Variants in TENM3 observed in about 807,000 individuals in gnomAD.
TENM3 encodes the protein teneurin transmembrane protein 3, also known as teneurin-3.
A neutral mutation model predicts 255.1 loss-of-function variants in TENM3; 63 were observed. The ratio of observed to expected loss-of-function variants is 0.25; its 90% CI spans 0.20 to 0.30. The LOEUF (loss-of-function observed/expected upper bound fraction) is 0.30. Among genes scored for constraint, TENM3 ranks in the 10% least tolerant of loss-of-function variants. TENM3 has a pLI of 1.00. For synonymous variants in TENM3, 1,306 were observed against 1,322.3 expected, an observed-to-expected ratio of 0.99 and a Z score of 0.27; for missense variants, 2,929 against 3,461.1, an observed-to-expected ratio of 0.85 and a Z score of 3.86.
chr4:181,980,918 G>A, the TENM3 span, among the ~76,000 whole-genome samples: 1 of 152,032 alleles, frequency 6.6e-6, no homozygotes, highest in Non-Finnish European at 1.5e-5. Flanking sequence ...AAATCTAATG[G>A]ACTAAGCATT....
intron 3 of TENM3, among the ~76,000 whole-genome samples, chr4:182,478,104 C>T (rs1035554458): frequency 6.6e-6 from 1 of 151,992 alleles, no homozygotes; most frequent in Non-Finnish European, 1.5e-5. Context: ...AACTTAAACA[C>T]TTTTGCACTT....
chr4:182,490,758 T>C (rs1356138247), intron 3 of TENM3, among the ~76,000 whole-genome samples: 2 of 119,616 alleles, frequency 1.7e-5, no homozygotes, highest in Admixed American at 1.7e-4. Flanking sequence ...GGTGGTATCT[T>C]AGGCATCGTA....
intron 5 of TENM3, among the ~76,000 whole-genome samples, chr4:182,633,619 G>A (rs1424946290): frequency 6.6e-6 from 1 of 152,226 alleles, no homozygotes; most frequent in Non-Finnish European, 1.5e-5. Context: ...CTGCCATGGT[G>A]CATGTGCAGT....
chr4:182,355,284 G>T (rs1202346751), intron 3 of TENM3, among the ~76,000 whole-genome samples: 1 of 152,148 alleles, frequency 6.6e-6, no homozygotes, highest in East Asian at 1.9e-4. Context: ...TTGATGCCTG[G>T]GACACATGAG....
At chr4:182,582,489 A>G (rs1514478) in intron 3 of TENM3, among the ~76,000 whole-genome samples, 50,763 of 151,732 alleles carry the variant, frequency 0.33, 9,762 homozygotes, top group East Asian at 0.48. Context: ...CATGAGTATA[A>G]ATTTCTGTTG....
At chr4:182,087,430 C>T in the TENM3 span, among the ~76,000 whole-genome samples, 4 of 152,126 alleles carry the variant, frequency 2.6e-5, no homozygotes, top group African/African-American at 7.2e-5. Flanking sequence ...TGGACAAAAA[C>T]GAAGGCACAT....
rs980435921 is a variant in TENM3, at chr4:182,679,896, C to T, written c.1537+20C>T. The T allele has an allele frequency of 3.2e-6, 5 of 1,571,986 alleles. No homozygotes were observed. In the Admixed American group the frequency reaches 7.3e-5, roughly 23 times the overall value. On this transcript the variant is annotated intron_variant, in intron 8 of 27. Transcript: ENST00000511685. ...TTATAGGTAAGAATAGTCTTCAAAG[C>T]AGCATTTTCCAGGCTATAGCCTAAA...
At chr4:182,577,305 A>C (rs573746292) in intron 3 of TENM3, among the ~76,000 whole-genome samples, 1 of 152,214 alleles carries the variant, frequency 6.6e-6, no homozygotes, top group Non-Finnish European at 1.5e-5. Flanking sequence ...AAAGCAGGAA[A>C]GTATCTGTTT....
chr4:181,683,115 G>A, the TENM3 span, among the ~76,000 whole-genome samples: 1 of 151,754 alleles, frequency 6.6e-6, no homozygotes, highest in Non-Finnish European at 1.5e-5. Flanking sequence ...TTGGAAGTAG[G>A]AAGTGACAGC....
At chr4:181,615,866 T>G in the TENM3 span, among the ~76,000 whole-genome samples, 1 of 152,214 alleles carries the variant, frequency 6.6e-6, no homozygotes, top group Non-Finnish European at 1.5e-5. Flanking sequence ...TACTTCTTAC[T>G]TTGAGAAAGT....
At chr4:181,501,613 C>G in the TENM3 span, among the ~76,000 whole-genome samples, 3 of 151,964 alleles carry the variant, frequency 2.0e-5, no homozygotes, top group Non-Finnish European at 4.4e-5. Flanking sequence ...TTCCTGGCCT[C>G]GTAATCTGCC....
chr4:182,266,642 T>A (rs1759262369), intron 1 of TENM3, among the ~76,000 whole-genome samples: 2 of 152,166 alleles, frequency 1.3e-5, no homozygotes, highest in Admixed American at 1.3e-4. Context: ...TACATTAACA[T>A]AAAGGTAAAA....
At chr4:182,064,566 G>A in the TENM3 span, among the ~76,000 whole-genome samples, 13 of 151,126 alleles carry the variant, frequency 8.6e-5, no homozygotes, top group African/African-American at 3.2e-4. Context: ...GGGCAACAGA[G>A]CGAGACTTTG....
At chr4:181,847,992 G>A in the TENM3 span, among the ~76,000 whole-genome samples, 1 of 152,152 alleles carries the variant, frequency 6.6e-6, no homozygotes, top group Non-Finnish European at 1.5e-5. Flanking sequence ...TGAAGTTAAA[G>A]ACCAGAGAGT....
Position 182,571,294 on chromosome 4 carries a change from G to GT in TENM3, c.512-29630_512-29629insT, listed in dbSNP as rs201607754. On this transcript the variant is annotated intron_variant, in intron 3 of 27. Transcript: ENST00000511685. ...TAATCCCAGCACTTTGGGAGGCCAA[G>GT]GCAGACAGATCACTTGAGCCCAGGA... is the stretch of plus-strand genomic sequence containing the variant. Among the ~76,000 whole-genome samples, 138 of 152,338 alleles carry GT rather than the reference G, an allele frequency of 9.1e-4. 1 individual carries two copies. The East Asian group carries it at 0.022, about 25-fold the overall frequency.
chr4:181,621,731 G>A, the TENM3 span, among the ~76,000 whole-genome samples: 2 of 152,166 alleles, frequency 1.3e-5, no homozygotes, highest in African/African-American at 4.8e-5. Flanking sequence ...TAGGTTCGTG[G>A]AGTCAAGAAG....
the TENM3 span, among the ~76,000 whole-genome samples, chr4:182,013,958 A>G: frequency 7.8e-4 from 90 of 115,794 alleles, no homozygotes; most frequent in East Asian, 2.7e-3. Flanking sequence ...GTATATACAC[A>G]CATATATACG....
At chr4:181,996,180 A>G in the TENM3 span, among the ~76,000 whole-genome samples, 9 of 149,708 alleles carry the variant, frequency 6.0e-5, no homozygotes. Context: ...AAAAAAAATT[A>G]CCTTCAAGCT....
chr4:181,834,125 A>G, the TENM3 span, among the ~76,000 whole-genome samples: 3 of 152,108 alleles, frequency 2.0e-5, no homozygotes, highest in Non-Finnish European at 4.4e-5. Flanking sequence ...AAAAAAAAAA[A>G]AAGAAATGAA....
Sources: gnomAD v4.1 joint callset for allele counts (sites outside exome capture counted in the v4.1 genomes callset) on GRCh38, gnomAD v4.1.1 for gene constraint, MANE v1.5 for transcripts, NCBI Gene and HGNC (gene_info 2026-07-23, HGNC 2026-07-21) for gene names.